Variants in OSGIN2 observed in about 807,000 individuals in gnomAD.
The protein encoded by OSGIN2 is oxidative stress-induced growth inhibitor 2.
A neutral mutation model predicts 53.8 loss-of-function variants in OSGIN2; 19 were observed. The ratio of observed to expected loss-of-function variants is 0.35; its 90% CI spans 0.25 to 0.52. The LOEUF is 0.52. Among genes scored for constraint, OSGIN2 ranks in the 20% least tolerant of loss-of-function variants. The pLI is 0.95. For missense variants in OSGIN2, 520 were observed against 662.7 expected (o/e 0.78, Z 2.36); for synonymous variants, 236 against 236.0 (o/e 1.00, Z 0.00).
chr8:89,925,127 TTTATC>T lies in OSGIN2; in HGVS notation c.1247_1251del (p.Leu416Ter). 1 of 1,614,074 alleles carries T rather than the reference TTTATC, an allele frequency of 6.2e-7. No homozygotes were observed. The highest frequency in any genetic ancestry group is 8.5e-7 in the Non-Finnish European group (1 of 1,179,926). ...AGTCATATTCTGTAGACTCAAATCT[TTTATC>T]TGATTATACCAGCTTTCCCGAGCAC... On this transcript the variant is annotated frameshift_variant, in exon 6 of 6. Transcript: ENST00000451899. LOFTEE classifies it high-confidence loss of function.
At chr8:89,915,101 C>A (rs569746330) in intron 4 of OSGIN2, among the ~76,000 whole-genome samples, 2 of 152,282 alleles carry the variant, frequency 1.3e-5, no homozygotes, top group African/African-American at 4.8e-5. Context: ...TATTTTCTTA[C>A]ATTTTCAGAA....
rs1259759772 is a variant in OSGIN2, at chr8:89,925,473, A to T, written c.1591A>T (p.Thr531Ser). The change falls in exon 6 of 6, where the codon ACA (threonine) becomes TCA (serine). Residue 531 changes from threonine (T) to serine (S), a missense_variant. By Grantham distance (58) the Thr-to-Ser change is moderately conservative. Coordinates refer to ENST00000451899, the MANE Select transcript of OSGIN2 (RefSeq NM_001126111.3). ...GCTGGGTGTTACACGCTGTTTAGCT[A>T]CAAGACAGAAGAAAAAGCATTTGTT... ...GALGVTRCLA[T>S]RQKKKHLFVE... 6.2e-7 allele frequency: 1 copy of T among 1,614,020 alleles called. No individual in the cohort carries two copies. The highest frequency in any genetic ancestry group is 1.7e-5 in the Admixed American group (1 of 59,998).
At chr8:89,920,080 AG>A (rs1355308424) in intron 4 of OSGIN2, among the ~76,000 whole-genome samples, 2 of 152,216 alleles carry the variant, frequency 1.3e-5, no homozygotes, top group African/African-American at 4.8e-5. Context: ...TTAGAGTTAC[AG>A]GTGAAACTCT....
chr8:89,909,053 T>C (rs1459786346), intron 1 of OSGIN2, among the ~76,000 whole-genome samples: 2 of 130,696 alleles, frequency 1.5e-5, no homozygotes, highest in South Asian at 2.4e-4. Context: ...TATATATACA[T>C]ATATATATAT....
chr8:89,909,868 G>T, intron 2 of OSGIN2, 147 bp downstream of exon 2: 2 of 476,466 alleles, frequency 4.2e-6, no homozygotes, highest in Non-Finnish European at 3.6e-6. Context: ...CCAAATCTTT[G>T]GAGAGTAATT....
rs73696836 is a variant in OSGIN2 at position 89,917,358 on chromosome 8, C to G, written c.528+2612C>G. ...TCACACTATAGATAATCTTTGAACA[C>G]AGAGCGTGCTCCAGGCTGTGATCTT... On this transcript the variant is annotated intron_variant, in intron 4 of 5. Transcript: ENST00000451899. Among the ~76,000 whole-genome samples the G allele has an allele frequency of 9.6e-3, 1,465 of 152,354 alleles. 21 individuals carry two copies. The highest frequency in any genetic ancestry group is 0.032 in the African/African-American group (1,327 of 41,580).
Position 89,927,445 on chromosome 8 carries a change from C to CTGAT in OSGIN2, c.*1914_*1917dup, listed in dbSNP as rs1021187953. ...AGTATATAACATTTGGGCATTTTCT[C>CTGAT]TGATATACTATACTCTCATGTTCTA... On this transcript the variant is annotated 3_prime_UTR_variant, in exon 6 of 6. Coordinates refer to ENST00000451899, the MANE Select transcript of OSGIN2 (RefSeq NM_001126111.3). The CTGAT allele has an allele frequency of 5.3e-5, 8 of 152,160 alleles. No homozygotes were observed. Among genetic ancestry groups the CTGAT allele is most frequent in the African/African-American group, 1.9e-4 (8 of 41,436 alleles). 9.4% of individuals were successfully genotyped at this position (152,160 alleles called of 1,614,324 possible).
intron 2 of OSGIN2, among the ~76,000 whole-genome samples, chr8:89,913,307 C>T (rs1279045679): frequency 6.6e-6 from 1 of 152,158 alleles, no homozygotes; most frequent in East Asian, 1.9e-4. Context: ...TGCCTATACC[C>T]AGGAGTGAGG....
rs1750023612 is a variant in OSGIN2, at chr8:89,926,203, T to G, written c.*671T>G. On this transcript the variant is annotated 3_prime_UTR_variant, in exon 6 of 6. Coordinates refer to ENST00000451899, the MANE Select transcript of OSGIN2 (RefSeq NM_001126111.3). ...TAATTTATTACCAAATAGGGTCTTT[T>G]AAAAAATATTTTTATCGTTGAAACC... is the stretch of plus-strand genomic sequence containing the variant. 6.6e-6 allele frequency: 1 copy of G among 152,288 alleles called. No individual in the cohort carries two copies. The highest frequency in any genetic ancestry group is 1.9e-4 in the East Asian group (1 of 5,204). 9.4% of individuals were successfully genotyped at this position (152,288 alleles called of 1,614,324 possible). A position where few individuals can be genotyped will look rare whatever the true frequency, so the allele number is the denominator to read the frequency against.
At chr8:89,914,997 A>G (rs1809047031) in intron 4 of OSGIN2, among the ~76,000 whole-genome samples, 1 of 152,222 alleles carries the variant, frequency 6.6e-6, no homozygotes. Context: ...TTATGTAGAA[A>G]ACATTTCAAG....
intron 2 of OSGIN2, among the ~76,000 whole-genome samples, chr8:89,913,686 G>C (rs962679074): frequency 6.6e-6 from 1 of 152,182 alleles, no homozygotes; most frequent in African/African-American, 2.4e-5. Context: ...CTTTGAGATA[G>C]GATAGGGTTT....
chr8:89,907,846 G>A (rs1001709751), intron 1 of OSGIN2, among the ~76,000 whole-genome samples: 2 of 152,102 alleles, frequency 1.3e-5, no homozygotes, highest in Non-Finnish European at 2.9e-5. Context: ...AATTGCTTTG[G>A]GCAGTTTGTA....
Position 89,916,722 on chromosome 8 carries a change from GATA to G in OSGIN2, c.528+1978_528+1980del, listed in dbSNP as rs150334752. On this transcript the variant is annotated intron_variant, in intron 4 of 5. Coordinates refer to ENST00000451899, the MANE Select transcript of OSGIN2 (RefSeq NM_001126111.3). ...CTGTGGCCCCTTGAACCAATTTTGT[GATA>G]AACAACTTGTTTGCTTTCCCACATC... Among the ~76,000 whole-genome samples, 686 of 152,174 alleles carry G rather than the reference GATA, an allele frequency of 4.5e-3. 9 individuals carry two copies. The highest frequency in any genetic ancestry group is 0.016 in the African/African-American group (650 of 41,524).
intron 4 of OSGIN2, among the ~76,000 whole-genome samples, chr8:89,920,459 T>G (rs1311562375): frequency 6.6e-6 from 1 of 152,152 alleles, no homozygotes; most frequent in Non-Finnish European, 1.5e-5. Context: ...TGCTTTGTAT[T>G]GAACAAAGCA....
chr8:89,904,372 CGT>C (rs1448480925), intron 1 of OSGIN2, among the ~76,000 whole-genome samples: 1 of 152,084 alleles, frequency 6.6e-6, no homozygotes, highest in Non-Finnish European at 1.5e-5. Flanking sequence ...TGCTTCCTGC[CGT>C]GCACAGAAAT....
chr8:89,905,139 C>G (rs1277228446), intron 1 of OSGIN2, among the ~76,000 whole-genome samples: 1 of 152,178 alleles, frequency 6.6e-6, no homozygotes, highest in Non-Finnish European at 1.5e-5. Context: ...TTTTTGTTAT[C>G]CTGATACTAT....
At chr8:89,913,295 T>G (rs1439019831) in intron 2 of OSGIN2, among the ~76,000 whole-genome samples, 1 of 152,206 alleles carries the variant, frequency 6.6e-6, no homozygotes, top group Non-Finnish European at 1.5e-5. Context: ...CATGATTAGC[T>G]TTGCCTATAC....
At chr8:89,902,861 A>G in intron 1 of OSGIN2, 24 bp downstream of exon 1, 1 of 1,359,874 alleles carries the variant, frequency 7.4e-7, no homozygotes, top group Non-Finnish European at 9.7e-7. Flanking sequence ...CGGGGATGGG[A>G]GGGGAGCAGG....
Position 89,921,073 on chromosome 8 carries a change from C to G in OSGIN2, c.529-7C>G. 6.5e-7 allele frequency: 1 copy of G among 1,529,286 alleles called. No homozygotes were observed. Among genetic ancestry groups the G allele is most frequent in the South Asian group, 1.2e-5 (1 of 84,076 alleles). 94.7% of individuals were successfully genotyped at this position (1,529,286 alleles called of 1,614,324 possible). On this transcript the variant is annotated splice_polypyrimidine_tract_variant and splice_region_variant and intron_variant, in intron 4 of 5. Coordinates refer to ENST00000451899, the MANE Select transcript of OSGIN2 (RefSeq NM_001126111.3). ...GACGGTACATTTTTTTTTTTAAACT[C>G]TAATAGAATATGGAAGGCTCCATGT...
Sources: gnomAD v4.1 joint callset for allele counts (sites outside exome capture counted in the v4.1 genomes callset) on GRCh38, gnomAD v4.1.1 for gene constraint, MANE v1.5 for transcripts, NCBI Gene and HGNC (gene_info 2026-07-23, HGNC 2026-07-21) for gene names.